Variants in CSMD3 observed in about 807,000 individuals in gnomAD.
CSMD3 encodes CUB and Sushi multiple domains 3.
In CSMD3, 177 loss-of-function variants were observed where a neutral mutation model predicts 435.2. The observed-to-expected ratio is 0.41, with a 90% CI of 0.36 to 0.46. The LOEUF is 0.46. Ranked by LOEUF, CSMD3 falls within the 20% of genes least tolerant of loss-of-function variation. CSMD3 has a pLI of 0.34. For synonymous variants in CSMD3, 1,656 were observed against 1,520.5 expected, an observed-to-expected ratio of 1.09 and a Z score of -2.07; for missense variants, 4,265 against 4,504.6, an observed-to-expected ratio of 0.95 and a Z score of 1.52.
intron 31 of CSMD3, among the ~76,000 whole-genome samples, chr8:112,483,851 C>A (rs1223305537): frequency 6.6e-6 from 1 of 152,182 alleles, no homozygotes. Flanking sequence ...CACTGTCACT[C>A]TCTAGGAGAA....
At chr8:113,164,102 A>G (rs977801291) in intron 4 of CSMD3, among the ~76,000 whole-genome samples, 1 of 152,062 alleles carries the variant, frequency 6.6e-6, no homozygotes, top group Non-Finnish European at 1.5e-5. Context: ...TAAGAAAAAT[A>G]AAAGCTAAAT....
chr8:112,952,871 A>T, intron 8 of CSMD3, among the ~76,000 whole-genome samples: 1 of 151,298 alleles, frequency 6.6e-6, no homozygotes. Flanking sequence ...TTTTATTAGA[A>T]TTTTTTTTCC....
At chr8:113,089,940 C>A (rs1000379894) in intron 5 of CSMD3, among the ~76,000 whole-genome samples, 2 of 152,054 alleles carry the variant, frequency 1.3e-5, no homozygotes, top group Admixed American at 6.6e-5. Context: ...GGTTGACTAA[C>A]CATTATCCCG....
At chr8:112,878,236 C>T (rs1012283001) in intron 10 of CSMD3, among the ~76,000 whole-genome samples, 1 of 152,060 alleles carries the variant, frequency 6.6e-6, no homozygotes, top group Non-Finnish European at 1.5e-5. Flanking sequence ...AACAAACAAC[C>T]TCATCAAAAA....
chr8:113,375,800 A>G (rs530902427), intron 1 of CSMD3, among the ~76,000 whole-genome samples: 2 of 152,314 alleles, frequency 1.3e-5, no homozygotes, highest in South Asian at 2.1e-4. Flanking sequence ...TTAGAAGAAC[A>G]GAGAAATGAA....
intron 1 of CSMD3, among the ~76,000 whole-genome samples, chr8:113,410,862 G>A (rs2094555175): frequency 7.0e-6 from 1 of 142,400 alleles, no homozygotes; most frequent in Admixed American, 7.3e-5. Flanking sequence ...CTATGATCAT[G>A]CTACTGTACT....
At chr8:112,370,666 G>T (rs548207093) in intron 38 of CSMD3, among the ~76,000 whole-genome samples, 5 of 152,174 alleles carry the variant, frequency 3.3e-5, no homozygotes, top group African/African-American at 7.2e-5. Context: ...CATAAGGTCT[G>T]CCCTGACCAC....
intron 58 of CSMD3, among the ~76,000 whole-genome samples, chr8:112,286,722 A>T (rs1819241204): frequency 6.6e-6 from 1 of 152,126 alleles, no homozygotes; most frequent in African/African-American, 2.4e-5. Context: ...TCAGGCTCCC[A>T]CTAAAAGTCT....
intron 32 of CSMD3, among the ~76,000 whole-genome samples, chr8:112,438,622 CA>C (rs1252588252): frequency 6.6e-6 from 1 of 151,874 alleles, no homozygotes; most frequent in Non-Finnish European, 1.5e-5. Context: ...TACTGGCTTT[CA>C]AAAAAATCTT....
chr8:113,255,686 CAG>C lies in CSMD3; in HGVS notation c.514+22904_514+22905del, dbSNP rs1253792721. Among the ~76,000 whole-genome samples the C allele has an allele frequency of 4.6e-5, 7 of 151,976 alleles. No homozygotes were observed. The East Asian group carries it at 1.2e-3, about 25-fold the overall frequency. ...ATAAAGGGTGCCAACAAATAAAAAA[CAG>C]AACATATTACACATCCATAAAATAT... On this transcript the variant is annotated intron_variant, in intron 3 of 70. Coordinates refer to ENST00000297405, the MANE Select transcript of CSMD3 (RefSeq NM_198123.2).
intron 60 of CSMD3, among the ~76,000 whole-genome samples, 195 bp from the exon 61 acceptor site, chr8:112,264,007 C>G (rs990711396): frequency 6.6e-6 from 1 of 152,140 alleles, no homozygotes; most frequent in Non-Finnish European, 1.5e-5. Flanking sequence ...GCAACTTTTT[C>G]TTGGCAACAT....
chr8:112,670,871 T>C (rs2075640076), intron 16 of CSMD3, among the ~76,000 whole-genome samples: 1 of 152,106 alleles, frequency 6.6e-6, no homozygotes, highest in Admixed American at 6.6e-5. Flanking sequence ...CAAGTTTCCA[T>C]GGAGGTTGAA....
chr8:113,014,711 G>A (rs933055663), intron 6 of CSMD3, among the ~76,000 whole-genome samples: 2 of 152,066 alleles, frequency 1.3e-5, no homozygotes, highest in Non-Finnish European at 2.9e-5. Flanking sequence ...GAATGTTTCA[G>A]AGACATCTGA....
At chr8:112,480,169 T>C (rs1819498089) in intron 31 of CSMD3, among the ~76,000 whole-genome samples, 1 of 152,244 alleles carries the variant, frequency 6.6e-6, no homozygotes, top group Admixed American at 6.5e-5. Flanking sequence ...TTCAGACTTG[T>C]GTGGAGAATA....
rs774960704 is a variant in CSMD3 at position 112,859,191 on chromosome 8, C to T, written c.1709G>A (p.Ser570Asn). ...TSPNFPFQYDSNAQCVWVITA... is the reference protein window; with the variant it reads ...TSPNFPFQYDNNAQCVWVITA... ...GATGACCCAGACACATTGTGCATTG[C>T]TGTCATACTGGAACGGAAAGTTGGG... The change falls in exon 11 of 71, where the codon AGC becomes AAC. Residue 570 changes from serine to asparagine, a missense_variant. Ser to Asn is a conservative substitution (Grantham distance 46, BLOSUM62 1). Transcript: ENST00000297405. The T allele has an allele frequency of 1.9e-5, 30 of 1,610,368 alleles. No homozygotes were observed. In the East Asian group the frequency reaches 6.3e-4, roughly 34 times the overall value.
chr8:112,290,279 A>G (rs915404854), intron 56 of CSMD3, among the ~76,000 whole-genome samples: 2 of 152,030 alleles, frequency 1.3e-5, no homozygotes. Flanking sequence ...CATACAGCAC[A>G]TGAGGACACA....
intron 1 of CSMD3, among the ~76,000 whole-genome samples, chr8:113,374,056 C>A (rs938353721): frequency 6.6e-6 from 1 of 151,982 alleles, no homozygotes; most frequent in Non-Finnish European, 1.5e-5. Flanking sequence ...TCTCTCTCCA[C>A]ATATATCTAG....
At chr8:113,022,494 A>G (rs1031113715) in intron 5 of CSMD3, among the ~76,000 whole-genome samples, 5 of 152,034 alleles carry the variant, frequency 3.3e-5, no homozygotes, top group Admixed American at 2.6e-4. Context: ...TAAATAATAT[A>G]TATTTCAGAT....
intron 4 of CSMD3, among the ~76,000 whole-genome samples, chr8:113,114,497 G>A (rs933131671): frequency 6.6e-6 from 1 of 152,128 alleles, no homozygotes; most frequent in Non-Finnish European, 1.5e-5. Context: ...AAAGATATTG[G>A]AGAGATATCT....
Sources: gnomAD v4.1 joint callset for allele counts (sites outside exome capture counted in the v4.1 genomes callset) on GRCh38, gnomAD v4.1.1 for gene constraint, MANE v1.5 for transcripts, NCBI Gene and HGNC (gene_info 2026-07-23, HGNC 2026-07-21) for gene names.